The following CC2D1B variants were observed in gnomAD, a reference collection of about 807,000 sequenced individuals.
The protein encoded by CC2D1B is coiled-coil and C2 domain containing 1B.
CC2D1B carries 92 observed loss-of-function variants against 110.8 expected under a neutral mutation model. The observed-to-expected ratio is 0.83, with a 90% confidence interval of 0.70 to 0.99. The LOEUF is 0.99. CC2D1B is among the 50% of genes least tolerant of loss of function. The pLI is 0.00. For missense variants in CC2D1B, 1,136 were observed against 1,089.0 expected (o/e 1.04, Z -0.61); for synonymous variants, 406 against 429.2 (o/e 0.95, Z 0.67).
chr1:52,361,008 G>A lies in CC2D1B; in HGVS notation c.443C>T (p.Thr148Ile). 6.2e-7 allele frequency: 1 copy of A among 1,614,154 alleles called. No homozygotes were observed. The highest frequency in any genetic ancestry group is 8.5e-7 in the Non-Finnish European group (1 of 1,180,010). ...GLEDTEPPVQ[T>I]AVLTASAPAA... ...TGGGGCTGAAGCTGTCAGGACGGCT[G>A]TCTGCACTGGAGGTTCAGTGTCTTC... Residue 148 changes from threonine (T) to isoleucine (I), a missense_variant, in exon 5 of 25, where the codon ACA becomes ATA. Transcript: ENST00000284376.
chr1:52,365,842 G>A (rs565143571), intron 1 of CC2D1B, among the ~76,000 whole-genome samples: 66 of 152,272 alleles, frequency 4.3e-4, no homozygotes, highest in African/African-American at 1.5e-3. Context: ...TCAGATTTCG[G>A]GAGTGACTCC....
At chr1:52,355,491 A>C (rs1355504942) in intron 20 of CC2D1B, 42 bp from the exon 21 acceptor site, 2 of 1,612,800 alleles carry the variant, frequency 1.2e-6, no homozygotes, top group East Asian at 4.5e-5. Flanking sequence ...CGTATAAACA[A>C]AGAGGCACAC....
intron 2 of CC2D1B, among the ~76,000 whole-genome samples, chr1:52,363,680 CTT>C (rs772479076): frequency 1.4e-5 from 2 of 140,810 alleles, no homozygotes. Context: ...GAGGTACATC[CTT>C]TTTTTTTTTT....
chr1:52,360,734 G>C, intron 5 of CC2D1B, 185 bp from the exon 6 acceptor site: 1 of 990,476 alleles, frequency 1.0e-6, no homozygotes, highest in African/African-American at 1.6e-5. Flanking sequence ...GGCAAATACA[G>C]AGCCCCACTT....
At chr1:52,358,310 G>C (rs1646698560) in intron 13 of CC2D1B, 21 bp downstream of exon 13, 10 of 1,609,568 alleles carry the variant, frequency 6.2e-6, no homozygotes, top group Non-Finnish European at 8.5e-6. Context: ...ACCAGCCCTG[G>C]AGTTGAGCCC....
In CC2D1B at chr1:52,353,123, G is replaced by T; in HGVS notation, c.*102C>A. 8.5e-7 allele frequency: 1 copy of T among 1,176,096 alleles called. No individual in the cohort carries two copies. Among genetic ancestry groups the T allele is most frequent in the Non-Finnish European group, 1.1e-6 (1 of 871,794 alleles). 72.9% of individuals were successfully genotyped at this position (1,176,096 alleles called of 1,614,324 possible). A position where few individuals can be genotyped will look rare whatever the true frequency, so the allele number is the denominator to read the frequency against. ...TTAACAGGTCTTTGGTGCTTGGGTA[G>T]CAGCATCTCTTATGTACAAAGGCTT... On this transcript the variant is annotated 3_prime_UTR_variant, in exon 25 of 25. Coordinates refer to ENST00000284376, the MANE Select transcript of CC2D1B (RefSeq NM_001330585.2).
intron 15 of CC2D1B, 97 bp from the exon 16 acceptor site, chr1:52,357,223 T>C: frequency 7.0e-7 from 1 of 1,431,758 alleles, no homozygotes; most frequent in African/African-American, 1.4e-5. Context: ...ATTCTTCAGC[T>C]TCTACTAAAG....
intron 5 of CC2D1B, 124 bp downstream of exon 5, chr1:52,360,850 C>T (rs767387352): frequency 8.2e-6 from 10 of 1,218,506 alleles, no homozygotes; most frequent in South Asian, 5.7e-5. Context: ...CTGCTTGGGG[C>T]GGCTGCTGGG....
chr1:52,361,240 T>G, intron 4 of CC2D1B, 108 bp from the exon 5 acceptor site: 1 of 1,375,146 alleles, frequency 7.3e-7, no homozygotes, highest in Non-Finnish European at 1.0e-6. Context: ...CTAACGTCAG[T>G]CACTGTGCCT....
chr1:52,355,012 G>C (rs772670128), intron 21 of CC2D1B, 73 bp from the exon 22 acceptor site: 58 of 1,261,760 alleles, frequency 4.6e-5, no homozygotes, highest in Non-Finnish European at 6.5e-5. Context: ...TGGAGGCCCA[G>C]GGCTGGCTGC....
At chr1:52,360,717 T>C (rs948050823) in intron 5 of CC2D1B, 168 bp from the exon 6 acceptor site, 127 of 1,087,558 alleles carry the variant, frequency 1.2e-4, no homozygotes, top group Non-Finnish European at 1.3e-4. Flanking sequence ...CCAGAGGCCA[T>C]GGCAGAGGCA....
chr1:52,353,806 G>T, intron 23 of CC2D1B, 159 bp from the exon 24 acceptor site: 1 of 572,616 alleles, frequency 1.7e-6, no homozygotes, highest in Non-Finnish European at 3.1e-6. Flanking sequence ...CCAGTATTTG[G>T]AGGAGGAGGT....
intron 23 of CC2D1B, 150 bp from the exon 24 acceptor site, chr1:52,353,797 C>T (rs1193526181): frequency 5.1e-6 from 3 of 584,114 alleles, no homozygotes; most frequent in East Asian, 3.0e-5. Context: ...CCTACCCTCC[C>T]AGTATTTGGA....
intron 24 of CC2D1B, 123 bp from the exon 25 acceptor site, chr1:52,353,346 T>C (rs1646567197): frequency 6.7e-7 from 1 of 1,492,848 alleles, no homozygotes. Flanking sequence ...GGTTACCTTC[T>C]CTTCCCAGTT....
Position 52,351,412 on chromosome 1 carries a change from C to T in CC2D1B, c.*1813G>A, listed in dbSNP as rs1204860785. Reference sequence around the variant, plus strand: ...CTTAGGAAGCACTGGGTTGGATACACACCCTAAGGGGAGTAGGTTGGGTTA... The same window carrying T: ...CTTAGGAAGCACTGGGTTGGATACATACCCTAAGGGGAGTAGGTTGGGTTA... On this transcript the variant is annotated 3_prime_UTR_variant, in exon 25 of 25. Coordinates refer to ENST00000284376, the MANE Select transcript of CC2D1B (RefSeq NM_001330585.2). 3 of 152,214 alleles carry T rather than the reference C, an allele frequency of 2.0e-5. No homozygotes were observed. The highest frequency in any genetic ancestry group is 1.3e-4 in the Admixed American group (2 of 15,282). 9.4% of individuals were successfully genotyped at this position (152,214 alleles called of 1,614,324 possible).
Position 52,359,046 on chromosome 1 carries a change from A to G in CC2D1B, c.1238T>C (p.Met413Thr). 6.2e-7 allele frequency: 1 copy of G among 1,607,380 alleles called. No homozygotes were observed. Among genetic ancestry groups the G allele is most frequent in the Non-Finnish European group, 8.5e-7 (1 of 1,179,988 alleles). Residue 413 changes from methionine to threonine, a missense_variant, in exon 11 of 25, where the codon ATG becomes ACG. Physicochemically the swap from Met to Thr is moderately conservative, Grantham distance 81 (BLOSUM62 -1). Coordinates refer to ENST00000284376, the MANE Select transcript of CC2D1B (RefSeq NM_001330585.2). ...GCCCACCTTGGCAATGCGCTCATGC[A>G]TCCGAGCCTTGCGCTCGTCCCCACC... ...RSGGDERKAR[M>T]HERIAKQYQD...
At position 52,359,083 on chromosome 1, in the gene CC2D1B, G is replaced by T; in HGVS notation, c.1201C>A (p.Gln401Lys). The T allele has an allele frequency of 6.2e-7, 1 of 1,609,562 alleles. No homozygotes were observed. Reference protein sequence around the residue: ...RLNKYREAGIQARSGGDERKA... With the variant: ...RLNKYREAGIKARSGGDERKA... ...CGCTCGTCCCCACCACTCCGGGCCT[G>T]GATGCCCGCCTCGCGGTACTTGTTC... The change falls in exon 11 of 25, where the codon CAG (glutamine) becomes AAG (lysine). Residue 401 changes from glutamine (Q) to lysine (K), a missense_variant. Gln to Lys is a moderately conservative substitution (Grantham distance 53). Transcript: ENST00000284376.
intron 21 of CC2D1B, 129 bp downstream of exon 21, chr1:52,355,269 T>C (rs1646622992): frequency 4.2e-6 from 4 of 958,184 alleles, no homozygotes; most frequent in South Asian, 2.9e-5. Flanking sequence ...AGAAGAAGCA[T>C]GTTAACAGCA....
intron 22 of CC2D1B, 21 bp downstream of exon 22, chr1:52,354,819 C>A: frequency 6.2e-7 from 1 of 1,610,676 alleles, no homozygotes; most frequent in Non-Finnish European, 8.5e-7. Context: ...CGTGTGGCAG[C>A]ATGACCGATA....
Sources: allele counts gnomAD v4.1 joint callset (sites outside exome capture counted in the v4.1 genomes callset), GRCh38; gene constraint gnomAD v4.1.1; transcripts MANE v1.5; gene names NCBI Gene and HGNC (gene_info 2026-07-23, HGNC 2026-07-21).